Variants in DLEU7 observed in about 807,000 individuals in gnomAD.
The protein encoded by DLEU7 is leukemia-associated protein 7.
Under a neutral mutation model 16.0 loss-of-function variants are expected in DLEU7, and 17 were observed. The observed-to-expected ratio is 1.06, with a 90% CI of 0.73 to 1.59. The LOEUF (loss-of-function observed/expected upper bound fraction) is 1.59. Ranked by LOEUF, DLEU7 falls within the 40% of genes most tolerant of loss-of-function variation. The pLI is 0.00. For synonymous variants in DLEU7, 113 were observed against 139.8 expected (o/e 0.81, Z 1.35); for missense variants, 308 against 314.9 (o/e 0.98, Z 0.17).
intron 1 of DLEU7, among the ~76,000 whole-genome samples, chr13:50,734,711 G>A (rs1874016472): frequency 6.6e-6 from 1 of 152,166 alleles, no homozygotes; most frequent in Non-Finnish European, 1.5e-5. Flanking sequence ...TGAAGTCCCA[G>A]GGACTGGTGG....
chr13:50,761,919 G>A (rs528944298), intron 1 of DLEU7, among the ~76,000 whole-genome samples: 9 of 152,074 alleles, frequency 5.9e-5, no homozygotes, highest in East Asian at 1.9e-4. Flanking sequence ...GGCCGGGCAC[G>A]GTGGCTCACG....
chr13:50,735,613 C>A lies in DLEU7; in HGVS notation c.460-22373G>T, dbSNP rs564025263. On this transcript the variant is annotated intron_variant, in intron 1 of 1. Coordinates refer to the DLEU7 transcript ENST00000400393. ...AATGAAAATATTATAAACTATGCAT[C>A]TAACAAAATCTAATATCCAGTATCT... is the stretch of plus-strand genomic sequence containing the variant. 2.6e-5 allele frequency among the ~76,000 whole-genome samples: 4 copies of A among 151,700 alleles called. No individual in the cohort carries two copies. The East Asian group carries it at 5.8e-4, about 22-fold the overall frequency.
chr13:50,813,528 A>AT (rs1355976498), intron 1 of DLEU7, among the ~76,000 whole-genome samples: 1 of 151,950 alleles, frequency 6.6e-6, no homozygotes. Flanking sequence ...ATTCTAGGAG[A>AT]TTTTTTCCAT....
chr13:50,738,987 ACACACACACACACACACG>A (rs201164347), intron 1 of DLEU7, among the ~76,000 whole-genome samples: 4 of 105,696 alleles, frequency 3.8e-5, no homozygotes, highest in Admixed American at 2.6e-4. Flanking sequence ...ACACACACAC[ACACACACACACACACACG>A]CACACACACA....
chr13:50,754,118 C>G (rs1295684555), intron 1 of DLEU7, among the ~76,000 whole-genome samples: 1 of 152,144 alleles, frequency 6.6e-6, no homozygotes, highest in African/African-American at 2.4e-5. Context: ...AAAGAAGGTT[C>G]CATATGCTGT....
chr13:50,713,103 G>T, exon 2 of DLEU7: 1 of 1,252,998 alleles, frequency 8.0e-7, no homozygotes, highest in Non-Finnish European at 1.1e-6. Context: ...CCAACAACGT[G>T]GTAATAAGAA....
At chr13:50,727,694 C>T (rs113637990) in intron 1 of DLEU7, among the ~76,000 whole-genome samples, 5,656 of 152,230 alleles carry the variant, frequency 0.037, 352 homozygotes, top group African/African-American at 0.12. Context: ...GTTCCCTGGG[C>T]CAGTCCTCTT....
At chr13:50,775,986 G>GT (rs1421493991) in intron 1 of DLEU7, among the ~76,000 whole-genome samples, 1 of 152,066 alleles carries the variant, frequency 6.6e-6, no homozygotes, top group Non-Finnish European at 1.5e-5. Context: ...CAATAATTGT[G>GT]TTTTTTATTT....
intron 1 of DLEU7, among the ~76,000 whole-genome samples, chr13:50,790,676 C>T (rs942596828): frequency 2.0e-5 from 3 of 151,990 alleles, no homozygotes; most frequent in South Asian, 2.1e-4. Flanking sequence ...GGGCGGACAA[C>T]GTGCTGGCTG....
At chr13:50,711,468 A>G (rs1246656160), downstream of DLEU7, 2 of 152,334 alleles carry the variant, frequency 1.3e-5, no homozygotes, top group South Asian at 2.1e-4. Flanking sequence ...TTTCCTTTCC[A>G]TAAGAAAATG....
At chr13:50,838,669 C>A (rs956286557) in intron 1 of DLEU7, among the ~76,000 whole-genome samples, 1 of 152,178 alleles carries the variant, frequency 6.6e-6, no homozygotes, top group African/African-American at 2.4e-5. Flanking sequence ...CAGAGATCAT[C>A]CAGTGTTATG....
At chr13:50,786,003 G>A (rs982849803) in intron 1 of DLEU7, among the ~76,000 whole-genome samples, 17 of 152,200 alleles carry the variant, frequency 1.1e-4, no homozygotes, top group Non-Finnish European at 8.8e-5. Context: ...CCAGCATTAA[G>A]ATGAAAATTA....
At chr13:50,831,802 A>G (rs1877275090) in intron 1 of DLEU7, among the ~76,000 whole-genome samples, 2 of 152,196 alleles carry the variant, frequency 1.3e-5, no homozygotes, top group Non-Finnish European at 2.9e-5. Flanking sequence ...AGTTAGTGAC[A>G]GAGTTAAAAT....
chr13:50,753,189 G>C (rs1874633306), intron 1 of DLEU7, among the ~76,000 whole-genome samples: 1 of 152,208 alleles, frequency 6.6e-6, no homozygotes, highest in Non-Finnish European at 1.5e-5. Context: ...CAATCCCTTA[G>C]CTAGACATAA....
downstream of DLEU7, chr13:50,822,575 T>A (rs75483182): frequency 3.2e-3 from 3,092 of 963,786 alleles, 55 homozygotes; most frequent in African/African-American, 0.039. Context: ...TTTCCTTTTT[T>A]TAAAGAATTT....
chr13:50,743,179 AGGC>A (rs60122531), intron 1 of DLEU7, among the ~76,000 whole-genome samples: 13,994 of 151,884 alleles, frequency 0.092, 662 homozygotes, highest in East Asian at 0.15. Context: ...AGAAAAAGGC[AGGC>A]AGGCAGGCAG....
At chr13:50,787,067 ATGTCTCTCACCTT>A (rs1207725474) in intron 1 of DLEU7, among the ~76,000 whole-genome samples, 6 of 152,200 alleles carry the variant, frequency 3.9e-5, no homozygotes, top group African/African-American at 1.4e-4. Context: ...TTGAAAGAAC[ATGTCTCTCACCTT>A]TTAGCCTTCG....
At chr13:50,836,547 G>C (rs1386853324) in intron 1 of DLEU7, among the ~76,000 whole-genome samples, 1 of 151,920 alleles carries the variant, frequency 6.6e-6, no homozygotes, top group East Asian at 1.9e-4. Flanking sequence ...GGTGGCAGGC[G>C]CCTGTAGTCC....
rs1309285415 is a variant in DLEU7, at chr13:50,794,769, G to T, written c.459+48419C>A. 3.9e-5 allele frequency among the ~76,000 whole-genome samples: 6 copies of T among 152,140 alleles called. No homozygotes were observed. The East Asian group carries it at 1.2e-3, about 29-fold the overall frequency. On this transcript the variant is annotated intron_variant, in intron 1 of 1. Coordinates refer to the DLEU7 transcript ENST00000400393. Reference sequence around the variant, plus strand: ...AGGCTCAAATGATTAATTTGCTGAAGTTCACAATCAATGTTAAATACAGGA... The same window carrying T: ...AGGCTCAAATGATTAATTTGCTGAATTTCACAATCAATGTTAAATACAGGA...
Sources: allele counts gnomAD v4.1 joint callset (sites outside exome capture counted in the v4.1 genomes callset), GRCh38; gene constraint gnomAD v4.1.1; transcripts MANE v1.5; gene names NCBI Gene and HGNC (gene_info 2026-07-23, HGNC 2026-07-21).